Variants in LMNTD1 observed in about 807,000 individuals in gnomAD.
The protein encoded by LMNTD1 is lamin tail domain containing 1.
A neutral mutation model predicts 50.9 loss-of-function variants in LMNTD1; 35 were observed. The observed-to-expected ratio is 0.69, with a 90% confidence interval of 0.53 to 0.91. The LOEUF (loss-of-function observed/expected upper bound fraction) is 0.91. LMNTD1 is among the 40% of genes least tolerant of loss of function. LMNTD1 has a pLI of 0.00. For synonymous variants in LMNTD1, 153 were observed against 161.9 expected (o/e 0.94, Z 0.42); for missense variants, 470 against 475.5 (o/e 0.99, Z 0.11).
intron 1 of LMNTD1, among the ~76,000 whole-genome samples, chr12:25,564,444 A>C (rs1388007173): frequency 2.6e-5 from 4 of 152,072 alleles, no homozygotes. Context: ...TTTTTAGTAG[A>C]GACATGGTTT....
At chr12:25,534,147 T>A (rs1942411687) in intron 4 of LMNTD1, among the ~76,000 whole-genome samples, 1 of 151,948 alleles carries the variant, frequency 6.6e-6, no homozygotes, top group Admixed American at 6.5e-5. Flanking sequence ...TACAACTCCT[T>A]TTTTTTTCCT....
rs572285944 is a variant in LMNTD1 at position 25,589,216 on chromosome 12, A to G, written c.59-42662T>C. Among the ~76,000 whole-genome samples the G allele has an allele frequency of 4.6e-5, 7 of 152,350 alleles. No homozygotes were observed. The South Asian group carries it at 1.4e-3, about 32-fold the overall frequency. On this transcript the variant is annotated intron_variant, in intron 1 of 7. Transcript: ENST00000445693. ...GAAAAAGAATAAAATGTCTATGTAT[A>G]TAACAGTCAGAAATCAATTAGAGCC...
At chr12:25,568,607 G>T (rs543991986) in intron 1 of LMNTD1, among the ~76,000 whole-genome samples, 39 of 152,338 alleles carry the variant, frequency 2.6e-4, no homozygotes, top group Admixed American at 8.5e-4. Context: ...GAGATCTAGA[G>T]TAAAGAATGG....
intron 1 of LMNTD1, among the ~76,000 whole-genome samples, chr12:25,639,425 G>A (rs575235982): frequency 1.3e-5 from 2 of 152,032 alleles, no homozygotes; most frequent in African/African-American, 4.8e-5. Context: ...TAAAAATCAC[G>A]TGTCCAGAAT....
At chr12:25,643,803 A>G (rs1947000854) in intron 1 of LMNTD1, among the ~76,000 whole-genome samples, 1 of 152,068 alleles carries the variant, frequency 6.6e-6, no homozygotes, top group African/African-American at 2.4e-5. Flanking sequence ...TTTGTTATCA[A>G]GTGGAGGTAC....
intron 1 of LMNTD1, among the ~76,000 whole-genome samples, chr12:25,565,339 T>C (rs889204540): frequency 1.3e-5 from 2 of 152,164 alleles, no homozygotes; most frequent in Non-Finnish European, 2.9e-5. Context: ...ATTTTTTGTG[T>C]ATCCATTATC....
intron 1 of LMNTD1, among the ~76,000 whole-genome samples, chr12:25,624,524 AC>A (rs1165361748): frequency 3.3e-5 from 5 of 152,214 alleles, no homozygotes; most frequent in Non-Finnish European, 7.3e-5. Context: ...ATTTATATGA[AC>A]AGCCCACATC....
chr12:25,627,900 G>A (rs12830019), intron 1 of LMNTD1, among the ~76,000 whole-genome samples: 12,612 of 151,714 alleles, frequency 0.083, 560 homozygotes, highest in Middle Eastern at 0.18. Context: ...ACGAGGTCAG[G>A]AGATCGAGAC....
At chr12:25,550,801 T>C (rs1269802285) in intron 2 of LMNTD1, among the ~76,000 whole-genome samples, 2 of 152,236 alleles carry the variant, frequency 1.3e-5, no homozygotes, top group African/African-American at 2.4e-5. Flanking sequence ...GAGTTTTGTA[T>C]TCAAAACTAG....
chr12:25,598,896 G>T (rs1338655600), intron 1 of LMNTD1, among the ~76,000 whole-genome samples: 1 of 151,928 alleles, frequency 6.6e-6, no homozygotes, highest in East Asian at 1.9e-4. Flanking sequence ...GAACACAATG[G>T]CTTCATTGAC....
intron 1 of LMNTD1, among the ~76,000 whole-genome samples, chr12:25,573,350 C>A (rs2136369385): frequency 6.6e-6 from 1 of 152,246 alleles, no homozygotes; most frequent in South Asian, 2.1e-4. Context: ...AGGTACCTCA[C>A]TAGAGGCAGC....
chr12:25,508,803 C>T (rs1204426852), intron 8 of LMNTD1, among the ~76,000 whole-genome samples: 1 of 152,178 alleles, frequency 6.6e-6, no homozygotes, highest in African/African-American at 2.4e-5. Flanking sequence ...CGCCACTGCA[C>T]CTACTTCACC....
rs780755288 is a variant in LMNTD1, at chr12:25,590,428, C to T, written c.59-43874G>A. Among the ~76,000 whole-genome samples, 4 of 152,316 alleles carry T rather than the reference C, an allele frequency of 2.6e-5. No homozygotes were observed. In the South Asian group the frequency reaches 6.2e-4, roughly 24 times the overall value. On this transcript the variant is annotated intron_variant, in intron 1 of 7. Transcript: ENST00000445693. ...TTTCCCAAAGCCTTGCCACTGCAGG[C>T]TAAAGTGCTCTGGGGCCCTTAATAA...
chr12:25,536,869 C>G (rs901822290), intron 4 of LMNTD1, among the ~76,000 whole-genome samples: 3 of 151,360 alleles, frequency 2.0e-5, no homozygotes, highest in Admixed American at 2.0e-4. Flanking sequence ...AGTGGGTGCA[C>G]GCACCGTGCG....
At chr12:25,559,480 A>G (rs1040231043) in intron 1 of LMNTD1, among the ~76,000 whole-genome samples, 7 of 152,124 alleles carry the variant, frequency 4.6e-5, no homozygotes, top group Non-Finnish European at 8.8e-5. Flanking sequence ...ACTCTTTGCT[A>G]TTGTGAATAA....
intron 1 of LMNTD1, among the ~76,000 whole-genome samples, chr12:25,571,396 C>T (rs1411840192): frequency 3.3e-5 from 5 of 151,064 alleles, no homozygotes; most frequent in Non-Finnish European, 7.4e-5. Context: ...CGGAGTCTCG[C>T]TCTGTCACCC....
chr12:25,492,312 A>G (rs1440907688), intron 9 of LMNTD1, among the ~76,000 whole-genome samples: 1 of 152,248 alleles, frequency 6.6e-6, no homozygotes, highest in African/African-American at 2.4e-5. Context: ...TTACTTCCTG[A>G]GACAGCTCCT....
At chr12:25,598,100 G>A (rs956059026) in intron 1 of LMNTD1, among the ~76,000 whole-genome samples, 11 of 151,984 alleles carry the variant, frequency 7.2e-5, no homozygotes, top group Admixed American at 6.6e-5. Context: ...CCATTCCTTC[G>A]TCTTCTGCTA....
At chr12:25,511,303 C>T (rs1940273189) in intron 8 of LMNTD1, among the ~76,000 whole-genome samples, 2 of 151,756 alleles carry the variant, frequency 1.3e-5, no homozygotes, top group African/African-American at 2.4e-5. Flanking sequence ...GTTTAGGATA[C>T]CTAAACAAGA....
Sources: gnomAD v4.1 joint callset for allele counts (sites outside exome capture counted in the v4.1 genomes callset) on GRCh38, gnomAD v4.1.1 for gene constraint, MANE v1.5 for transcripts, NCBI Gene and HGNC (gene_info 2026-07-23, HGNC 2026-07-21) for gene names.